The following LRMDA variants were observed in gnomAD, a reference collection of about 807,000 sequenced individuals.
The protein encoded by LRMDA is leucine rich melanocyte differentiation associated.
In LRMDA, 18 loss-of-function variants were observed where a neutral mutation model predicts 29.8. The ratio of observed to expected loss-of-function variants is 0.60; its 90% CI spans 0.42 to 0.90. LRMDA has a LOEUF of 0.90. LRMDA is among the 40% of genes least tolerant of loss of function. LRMDA has a pLI of 0.00. For missense variants in LRMDA, 273 were observed against 273.9 expected (o/e 1.00, Z 0.02); for synonymous variants, 125 against 109.4 (o/e 1.14, Z -0.89).
At chr10:76,043,694 C>G (rs1273578120) in intron 3 of LRMDA, among the ~76,000 whole-genome samples, 2 of 152,170 alleles carry the variant, frequency 1.3e-5, no homozygotes, top group African/African-American at 4.8e-5. Context: ...AAGGTTCACT[C>G]AACTTAATCT....
At chr10:75,769,029 T>G (rs1589194068) in intron 2 of LRMDA, among the ~76,000 whole-genome samples, 1 of 152,154 alleles carries the variant, frequency 6.6e-6, no homozygotes, top group Admixed American at 6.5e-5. Flanking sequence ...CTGGAACCCA[T>G]CAGAGACGGG....
chr10:76,411,000 G>A (rs772621032), intron 6 of LRMDA, among the ~76,000 whole-genome samples: 28 of 152,168 alleles, frequency 1.8e-4, no homozygotes, highest in Non-Finnish European at 2.5e-4. Context: ...ACAGATATAT[G>A]CAGGGAGACC....
chr10:75,442,856 A>C (rs1844344975), intron 2 of LRMDA, among the ~76,000 whole-genome samples: 1 of 151,802 alleles, frequency 6.6e-6, no homozygotes, highest in Admixed American at 6.6e-5. Flanking sequence ...ATCTTCCTTT[A>C]TGTGTGTATC....
intron 6 of LRMDA, among the ~76,000 whole-genome samples, chr10:76,357,838 C>T (rs1028375053): frequency 1.3e-5 from 2 of 152,114 alleles, no homozygotes; most frequent in Admixed American, 6.5e-5. Context: ...TTCTTTCTTC[C>T]GTCTGTAAAC....
intron 2 of LRMDA, among the ~76,000 whole-genome samples, chr10:75,710,732 G>A (rs949846937): frequency 1.1e-4 from 17 of 152,242 alleles, no homozygotes; most frequent in Non-Finnish European, 2.5e-4. Flanking sequence ...CCAAGGAGTG[G>A]TGTGAAGACT....
At chr10:76,225,153 G>A (rs923209493) in intron 5 of LRMDA, among the ~76,000 whole-genome samples, 3 of 152,104 alleles carry the variant, frequency 2.0e-5, no homozygotes, top group Admixed American at 6.6e-5. Flanking sequence ...GCTCACACCT[G>A]TAATACCAGC....
At chr10:75,738,731 C>A (rs1842795090) in intron 2 of LRMDA, among the ~76,000 whole-genome samples, 1 of 152,062 alleles carries the variant, frequency 6.6e-6, no homozygotes, top group South Asian at 2.1e-4. Context: ...ATGAAGTATG[C>A]CAGTGAAATT....
intron 2 of LRMDA, among the ~76,000 whole-genome samples, chr10:75,632,982 G>GA (rs1233249598): frequency 6.6e-6 from 1 of 151,930 alleles, no homozygotes; most frequent in Admixed American, 6.6e-5. Context: ...GGTCCCAGGG[G>GA]AGCAGACTCC....
intron 2 of LRMDA, among the ~76,000 whole-genome samples, chr10:75,980,413 G>A (rs1589275422): frequency 6.6e-6 from 1 of 152,300 alleles, no homozygotes; most frequent in East Asian, 1.9e-4. Flanking sequence ...CCTACCAGGG[G>A]CCCTTCGGAT....
chr10:76,158,598 C>T lies in LRMDA; in HGVS notation c.516+99815C>T, dbSNP rs937607307. ...AAAAATGTTAAAATCAGTAACATAT[C>T]ACTAACAATATTACTAAAGATGCAA... On this transcript the variant is annotated intron_variant, in intron 5 of 6. Transcript: ENST00000611255. Among the ~76,000 whole-genome samples, 9 of 152,094 alleles carry T rather than the reference C, an allele frequency of 5.9e-5. No individual in the cohort carries two copies. In the East Asian group the frequency reaches 9.6e-4, roughly 16 times the overall value.
At chr10:75,907,027 T>C (rs1845770458) in intron 2 of LRMDA, among the ~76,000 whole-genome samples, 1 of 152,232 alleles carries the variant, frequency 6.6e-6, no homozygotes, top group Non-Finnish European at 1.5e-5. Context: ...TCCTGGAATA[T>C]ACAAGTAGGC....
intron 5 of LRMDA, among the ~76,000 whole-genome samples, chr10:76,162,881 AT>A (rs1159187480): frequency 1.3e-5 from 2 of 152,190 alleles, no homozygotes; most frequent in Non-Finnish European, 2.9e-5. Context: ...TAATGGCATT[AT>A]TTTTAAAAGA....
At chr10:76,201,221 C>A (rs1004146874) in intron 5 of LRMDA, among the ~76,000 whole-genome samples, 2 of 151,756 alleles carry the variant, frequency 1.3e-5, no homozygotes, top group Admixed American at 6.6e-5. Flanking sequence ...CTCAGCCTCC[C>A]AAGTAGCTGG....
At chr10:76,452,754 T>C (rs1467027111) in intron 6 of LRMDA, among the ~76,000 whole-genome samples, 2 of 152,238 alleles carry the variant, frequency 1.3e-5, no homozygotes, top group African/African-American at 2.4e-5. Context: ...ATATGATCAG[T>C]TAACAGCAAA....
chr10:75,728,806 A>G (rs1045034335), intron 2 of LRMDA, among the ~76,000 whole-genome samples: 2 of 151,716 alleles, frequency 1.3e-5, no homozygotes. Context: ...GATGGTGGCT[A>G]ATGGGGGTTG....
At chr10:75,645,457 AGGGTGGGTTGGTGGG>A (rs1425301082) in intron 2 of LRMDA, among the ~76,000 whole-genome samples, 1 of 148,958 alleles carries the variant, frequency 6.7e-6, no homozygotes, top group Non-Finnish European at 1.5e-5. Flanking sequence ...GCCAGAGAGG[AGGGTGGGTTGGTGGG>A]GGGTGGGGGC....
chr10:76,093,658 A>G (rs1849269148), intron 5 of LRMDA, among the ~76,000 whole-genome samples: 1 of 151,886 alleles, frequency 6.6e-6, no homozygotes, highest in Non-Finnish European at 1.5e-5. Flanking sequence ...TACTGCTCAT[A>G]TCATATCCAC....
At chr10:75,649,343 T>C (rs1026629847) in intron 2 of LRMDA, among the ~76,000 whole-genome samples, 2 of 152,256 alleles carry the variant, frequency 1.3e-5, no homozygotes, top group African/African-American at 2.4e-5. Context: ...ATTTAGCTTA[T>C]CTATCCATCA....
intron 5 of LRMDA, among the ~76,000 whole-genome samples, chr10:76,190,202 C>T (rs979258866): frequency 2.6e-5 from 4 of 152,028 alleles, no homozygotes; most frequent in Non-Finnish European, 5.9e-5. Flanking sequence ...AGTAATTAAA[C>T]AATGATTACA....
Sources: gnomAD v4.1 joint callset for allele counts (sites outside exome capture counted in the v4.1 genomes callset) on GRCh38, gnomAD v4.1.1 for gene constraint, MANE v1.5 for transcripts, NCBI Gene and HGNC (gene_info 2026-07-23, HGNC 2026-07-21) for gene names.